FOXP1: variants seen among roughly 807,000 people sequenced by gnomAD.
FOXP1 encodes forkhead box P1.
In FOXP1, 15 loss-of-function variants were observed where a neutral mutation model predicts 98.2. The observed-to-expected ratio is 0.15, with a 90% CI of 0.10 to 0.24. The LOEUF (loss-of-function observed/expected upper bound fraction) is 0.24. Ranked by LOEUF, FOXP1 falls within the 10% of genes least tolerant of loss-of-function variation. FOXP1 has a pLI of 1.00. For missense variants in FOXP1, 633 were observed against 848.5 expected, an observed-to-expected ratio of 0.75 and a Z score of 3.15; for synonymous variants, 371 against 314.5, an observed-to-expected ratio of 1.18 and a Z score of -1.90.
At chr3:71,366,969 T>C (rs1472652263) in intron 3 of FOXP1, among the ~76,000 whole-genome samples, 3 of 152,250 alleles carry the variant, frequency 2.0e-5, no homozygotes, top group African/African-American at 7.2e-5. Context: ...TGTAAAATTA[T>C]ACTTTCTCCT....
At chr3:70,972,345 T>TAG (rs1255153049) in intron 18 of FOXP1, 1 of 866,754 alleles carries the variant, frequency 1.2e-6, no homozygotes, top group African/African-American at 1.7e-5. Context: ...TAAAAGCTAC[T>TAG]AGCATGTGAT....
At chr3:71,310,047 G>A (rs2074575278) in intron 4 of FOXP1, among the ~76,000 whole-genome samples, 1 of 152,186 alleles carries the variant, frequency 6.6e-6, no homozygotes, top group Non-Finnish European at 1.5e-5. Flanking sequence ...TTGCAAGTCA[G>A]CACATTCACT....
chr3:71,296,270 C>A (rs1369889902), intron 5 of FOXP1: 1 of 152,216 alleles, frequency 6.6e-6, no homozygotes, highest in Non-Finnish European at 1.5e-5. Context: ...CTCCTGGCAT[C>A]TGAAGTCTAC....
At chr3:71,566,103 C>T (rs1312639563) in intron 2 of FOXP1, among the ~76,000 whole-genome samples, 1 of 152,338 alleles carries the variant, frequency 6.6e-6, no homozygotes, top group East Asian at 1.9e-4. Context: ...ACCACCATGA[C>T]AGCAGTTAAA....
intron 4 of FOXP1, among the ~76,000 whole-genome samples, chr3:71,323,557 A>G (rs1319081120): frequency 6.6e-6 from 1 of 152,176 alleles, no homozygotes; most frequent in East Asian, 1.9e-4. Context: ...CGGGAAAGTG[A>G]GCAGGTTTGG....
chr3:71,314,549 A>ATATATC (rs2074941304), intron 4 of FOXP1, among the ~76,000 whole-genome samples: 1 of 150,776 alleles, frequency 6.6e-6, no homozygotes, highest in Non-Finnish European at 1.5e-5. Flanking sequence ...ATATATATAT[A>ATATATC]TATCTGGCTG....
rs2065038896 is a variant in FOXP1 at position 71,217,570 on chromosome 3, TGAGTA to T, written c.-11-19183_-11-19179del. The stretch of plus-strand genomic sequence containing the variant: ...AAGACTTAGGTGATGCCCAGACATT[TGAGTA>T]GAGTAGTATATTTCAAGAGGCTGGG... On this transcript the variant is annotated intron_variant, in intron 5 of 20. Transcript: ENST00000649528. Among the ~76,000 whole-genome samples the T allele has an allele frequency of 3.3e-5, 5 of 152,144 alleles. No individual in the cohort carries two copies. In the South Asian group the frequency reaches 1.0e-3, roughly 32 times the overall value.
intron 7 of FOXP1, among the ~76,000 whole-genome samples, chr3:71,067,009 G>A (rs549369270): frequency 3.3e-5 from 5 of 152,254 alleles, no homozygotes; most frequent in African/African-American, 1.2e-4. Context: ...GTGGCTGTAA[G>A]CACCATGGGA....
intron 2 of FOXP1, among the ~76,000 whole-genome samples, chr3:71,569,660 G>T (rs1324883897): frequency 6.6e-6 from 1 of 151,948 alleles, no homozygotes; most frequent in African/African-American, 2.4e-5. Flanking sequence ...CATACACATA[G>T]AGAGAGAGAA....
chr3:71,216,484 A>G lies in FOXP1; in HGVS notation c.-11-18092T>C, dbSNP rs9819895. Among the ~76,000 whole-genome samples, 5 of 151,944 alleles carry G rather than the reference A, an allele frequency of 3.3e-5. 1 individual carries two copies. Among genetic ancestry groups the G allele is most frequent in the Non-Finnish European group, 7.4e-5 (5 of 67,992 alleles). On this transcript the variant is annotated intron_variant, in intron 5 of 20. Transcript: ENST00000649528. ...GGGCTGGGAAGCTGGGGCAGCTGCA[A>G]CGTGCTTCAGGTAAGCCCTCAAGAT... is the stretch of plus-strand genomic sequence containing the variant.
intron 4 of FOXP1, among the ~76,000 whole-genome samples, chr3:71,339,626 G>A (rs951885940): frequency 1.2e-4 from 19 of 152,180 alleles, no homozygotes; most frequent in African/African-American, 4.1e-4. Context: ...TCATTACAGC[G>A]TTAAGGTTCC....
chr3:71,581,669 GCT>G lies in FOXP1; in HGVS notation c.-420_-419del, dbSNP rs1322347722. On this transcript the variant is annotated 5_prime_UTR_variant, in exon 2 of 21. Coordinates refer to ENST00000649528, the MANE Select transcript of FOXP1 (RefSeq NM_001349338.3). ...CGGCCCGCTCGCTCGCTCGCCGCGC[GCT>G]CTCTTCCTCTTACAAACTTTCGGGT... 3 of 985,746 alleles carry G rather than the reference GCT, an allele frequency of 3.0e-6. No individual in the cohort carries two copies. The highest frequency in any genetic ancestry group is 3.6e-6 in the Non-Finnish European group (3 of 830,110). 61.1% of individuals were successfully genotyped at this position (985,746 alleles called of 1,614,324 possible). A position where few individuals can be genotyped will look rare whatever the true frequency, so the allele number is the denominator to read the frequency against.
chr3:71,372,420 C>T (rs187350782), intron 3 of FOXP1, among the ~76,000 whole-genome samples: 27 of 152,290 alleles, frequency 1.8e-4, no homozygotes, highest in Admixed American at 4.6e-4. Flanking sequence ...CCACTGTATC[C>T]TGTGTGAACT....
intron 7 of FOXP1, 124 bp from the exon 8 acceptor site, chr3:71,053,897 T>G: frequency 1.0e-6 from 1 of 967,822 alleles, no homozygotes; most frequent in Non-Finnish European, 1.6e-6. Context: ...CAACATGTAT[T>G]TATCCAGAGG....
intron 2 of FOXP1, among the ~76,000 whole-genome samples, chr3:71,503,639 G>A (rs1442154945): frequency 6.8e-6 from 1 of 147,316 alleles, no homozygotes; most frequent in Non-Finnish European, 1.5e-5. Context: ...AATTAAGGTT[G>A]TAGCACCACA....
chr3:70,958,659 T>C lies in FOXP1; in HGVS notation c.*588A>G. ...AAAAAAAAAAAAAAAAAGCAATACA[T>C]TAAAAAGTTTGGGATAATTATTTTT... On this transcript the variant is annotated 3_prime_UTR_variant, in exon 21 of 21. Transcript: ENST00000649528. 6.4e-6 allele frequency: 1 copy of C among 155,994 alleles called. No homozygotes were observed. Among genetic ancestry groups the C allele is most frequent in the Non-Finnish European group, 1.2e-5 (1 of 83,446 alleles). 9.7% of individuals were successfully genotyped at this position (155,994 alleles called of 1,614,324 possible). A position where few individuals can be genotyped will look rare whatever the true frequency, so the allele number is the denominator to read the frequency against.
At chr3:71,224,093 T>C (rs2065639699) in intron 5 of FOXP1, among the ~76,000 whole-genome samples, 1 of 152,214 alleles carries the variant, frequency 6.6e-6, no homozygotes, top group Non-Finnish European at 1.5e-5. Flanking sequence ...ACCATCTGTA[T>C]AGTAAAAGAA....
At chr3:71,582,645 G>A (rs1186014782) in intron 1 of FOXP1, 1 of 985,314 alleles carries the variant, frequency 1.0e-6, no homozygotes, top group African/African-American at 1.7e-5. Context: ...GTGATGGTGG[G>A]AGAGAGATCC....
chr3:71,420,703 C>A (rs1193540198), intron 3 of FOXP1, among the ~76,000 whole-genome samples: 2 of 151,670 alleles, frequency 1.3e-5, no homozygotes, highest in Non-Finnish European at 2.9e-5. Context: ...GAGTTTCTAT[C>A]CTTTTTTTTC....
Sources: allele counts gnomAD v4.1 joint callset (sites outside exome capture counted in the v4.1 genomes callset), GRCh38; gene constraint gnomAD v4.1.1; transcripts MANE v1.5; gene names NCBI Gene and HGNC (gene_info 2026-07-23, HGNC 2026-07-21).